Variants in RAD51B observed in about 807,000 individuals in gnomAD.
RAD51B encodes RAD51 paralog B.
A neutral mutation model predicts 42.2 loss-of-function variants in RAD51B; 38 were observed. That is an observed-to-expected ratio of 0.90 (90% confidence interval 0.70 to 1.18). RAD51B has a LOEUF of 1.18. Ranked by LOEUF, RAD51B falls within the 50% of genes most tolerant of loss-of-function variation. RAD51B has a pLI of 0.00. For missense variants in RAD51B, 373 were observed against 400.7 expected (o/e 0.93, Z 0.59); for synonymous variants, 154 against 145.2 (o/e 1.06, Z -0.43).
intron 8 of RAD51B, among the ~76,000 whole-genome samples, chr14:68,370,626 A>G (rs2083234126): frequency 6.6e-6 from 1 of 152,178 alleles, no homozygotes; most frequent in Admixed American, 6.5e-5. Flanking sequence ...AATCCAGGAG[A>G]GAGATTATGG....
chr14:67,914,313 A>C (rs905053457), intron 7 of RAD51B, among the ~76,000 whole-genome samples: 1 of 152,116 alleles, frequency 6.6e-6, no homozygotes, highest in Non-Finnish European at 1.5e-5. Flanking sequence ...CCCATAAATA[A>C]GTGAGAACAT....
intron 7 of RAD51B, among the ~76,000 whole-genome samples, chr14:68,189,811 AC>A (rs2079227516): frequency 6.6e-6 from 1 of 151,970 alleles, no homozygotes; most frequent in Admixed American, 6.6e-5. Flanking sequence ...GATTACAGGC[AC>A]CCACCACCAT....
At chr14:68,374,086 C>A (rs2083314287) in intron 8 of RAD51B, among the ~76,000 whole-genome samples, 2 of 152,114 alleles carry the variant, frequency 1.3e-5, no homozygotes, top group African/African-American at 4.8e-5. Flanking sequence ...AAATGAAACT[C>A]AACAAAGAAA....
intron 10 of RAD51B, among the ~76,000 whole-genome samples, chr14:68,604,610 C>T (rs1055940656): frequency 6.6e-5 from 10 of 152,184 alleles, no homozygotes; most frequent in South Asian, 2.1e-4. Flanking sequence ...CAGCTGTGAC[C>T]GCAGAAAATG....
At chr14:68,614,939 C>G (rs1021642417), downstream of RAD51B, among the ~76,000 whole-genome samples, 5 of 152,194 alleles carry the variant, frequency 3.3e-5, no homozygotes, top group African/African-American at 1.2e-4. Context: ...CTGGCATGAT[C>G]TCAGCTCACT....
At position 67,893,494 on chromosome 14, in the gene RAD51B, ACACACACAC is replaced by A. The variant is rs1223127632; in HGVS notation, c.756+6291_756+6299del. Among the ~76,000 whole-genome samples the A allele has an allele frequency of 5.2e-3, 447 of 85,382 alleles. 26 individuals are homozygous for A. The highest frequency in any genetic ancestry group is 0.023 in the African/African-American group (403 of 17,524). 56.0% of individuals were successfully genotyped at this position (85,382 alleles called of 152,430 possible). A position where few individuals can be genotyped will look rare whatever the true frequency, so the allele number is the denominator to read the frequency against. On this transcript the variant is annotated intron_variant, in intron 7 of 10. Coordinates refer to ENST00000471583, the MANE Select transcript of RAD51B (RefSeq NM_133510.4). ...CACACACACACACACACACACACAC[ACACACACAC>A]ACACACAAAAAAAAACAATTAGCTG...
At chr14:67,899,816 C>A (rs34805563) in intron 7 of RAD51B, among the ~76,000 whole-genome samples, 2,439 of 152,168 alleles carry the variant, frequency 0.016, 71 homozygotes, top group African/African-American at 0.055. Flanking sequence ...TTATACTATT[C>A]CCTTTTTATA....
intron 4 of RAD51B, among the ~76,000 whole-genome samples, chr14:67,859,297 T>C (rs757597619): frequency 2.6e-5 from 4 of 152,214 alleles, no homozygotes; most frequent in African/African-American, 7.2e-5. Context: ...GCAAGAAAGA[T>C]TCCTGCAAAG....
intron 9 of RAD51B, among the ~76,000 whole-genome samples, chr14:68,435,692 T>C (rs2085131203): frequency 6.6e-6 from 1 of 152,190 alleles, no homozygotes; most frequent in Non-Finnish European, 1.5e-5. Flanking sequence ...CATCTGTTGC[T>C]TTTTAACTTT....
intron 7 of RAD51B, among the ~76,000 whole-genome samples, chr14:68,214,062 C>G (rs1652992469): frequency 6.6e-6 from 1 of 152,066 alleles, no homozygotes; most frequent in Non-Finnish European, 1.5e-5. Flanking sequence ...CCTTTTATAC[C>G]CTTCCCTAGT....
At chr14:68,452,422 T>C (rs903117867) in intron 9 of RAD51B, among the ~76,000 whole-genome samples, 4 of 152,262 alleles carry the variant, frequency 2.6e-5, no homozygotes, top group East Asian at 1.9e-4. Context: ...TAGTATTTGA[T>C]GGCGATGAGC....
intron 7 of RAD51B, among the ~76,000 whole-genome samples, chr14:68,183,750 C>G (rs1379694745): frequency 6.6e-6 from 1 of 151,964 alleles, no homozygotes; most frequent in Non-Finnish European, 1.5e-5. Flanking sequence ...GAGTTTGAGA[C>G]CAGCCTGCGC....
At chr14:68,202,933 C>T (rs181784650) in intron 7 of RAD51B, among the ~76,000 whole-genome samples, 49 of 152,280 alleles carry the variant, frequency 3.2e-4, no homozygotes, top group Admixed American at 8.5e-4. Flanking sequence ...AATTCAGTCA[C>T]AGCTTCAGGC....
chr14:68,283,473 T>C (rs2081358191), intron 7 of RAD51B, among the ~76,000 whole-genome samples: 1 of 152,228 alleles, frequency 6.6e-6, no homozygotes, highest in African/African-American at 2.4e-5. Flanking sequence ...AGAGACTTTT[T>C]TGGCCTCATA....
intron 9 of RAD51B, among the ~76,000 whole-genome samples, chr14:68,440,633 G>A (rs1357084460): frequency 1.3e-5 from 2 of 151,962 alleles, no homozygotes; most frequent in African/African-American, 4.8e-5. Context: ...GTAATCCCAG[G>A]TACTTGGGAG....
chr14:68,599,035 A>G (rs527257689), downstream of RAD51B, among the ~76,000 whole-genome samples: 3 of 152,326 alleles, frequency 2.0e-5, no homozygotes, highest in African/African-American at 4.8e-5. Context: ...TTTGGAAAGG[A>G]AAACACGGCC....
intron 8 of RAD51B, among the ~76,000 whole-genome samples, chr14:68,351,962 A>C (rs1566826887): frequency 6.6e-6 from 1 of 152,176 alleles, no homozygotes; most frequent in Non-Finnish European, 1.5e-5. Flanking sequence ...GCACTGGAGT[A>C]ATGAGGATGG....
chr14:67,955,252 A>G (rs949465553), intron 7 of RAD51B, among the ~76,000 whole-genome samples: 4 of 152,214 alleles, frequency 2.6e-5, no homozygotes, highest in Non-Finnish European at 4.4e-5. Flanking sequence ...GAAGAATTTT[A>G]TTGTCAGCTA....
intron 7 of RAD51B, among the ~76,000 whole-genome samples, chr14:68,284,067 C>T (rs2081371210): frequency 6.6e-6 from 1 of 152,198 alleles, no homozygotes; most frequent in Admixed American, 6.5e-5. Flanking sequence ...TCAGACTGAG[C>T]CACTCTCTTC....
Sources: gnomAD v4.1 joint callset for allele counts (sites outside exome capture counted in the v4.1 genomes callset) on GRCh38, gnomAD v4.1.1 for gene constraint, MANE v1.5 for transcripts, NCBI Gene and HGNC (gene_info 2026-07-23, HGNC 2026-07-21) for gene names.